Variants in BCL2L13 observed in about 807,000 individuals in gnomAD.
The protein encoded by BCL2L13 is BCL2 like 13, also known as bcl-2-like protein 13.
A neutral mutation model predicts 25.8 loss-of-function variants in BCL2L13; 13 were observed. The ratio of observed to expected loss-of-function variants is 0.50; its 90% CI spans 0.33 to 0.80. BCL2L13 has a LOEUF of 0.80. BCL2L13 is among the 30% of genes least tolerant of loss of function. BCL2L13 has a pLI of 0.02. For synonymous variants in BCL2L13, 244 were observed against 230.3 expected (o/e 1.06, Z -0.54); for missense variants, 504 against 574.9 (o/e 0.88, Z 1.26).
intron 5 of BCL2L13, among the ~76,000 whole-genome samples, chr22:17,696,738 G>A (rs2060275766): frequency 6.6e-6 from 1 of 152,110 alleles, no homozygotes; most frequent in African/African-American, 2.4e-5. Flanking sequence ...AAAGTTAAAT[G>A]ACTTGCCTAG....
rs1568903734 is a variant in BCL2L13 at position 17,631,690 on chromosome 22, ATATATATATATATATATTTTTTTTTTT to A, written c.-650+2687_-650+2713del. Among the ~76,000 whole-genome samples the A allele has an allele frequency of 1.1e-4, 6 of 53,862 alleles. 1 individual carries two copies. The highest frequency in any genetic ancestry group is 1.7e-4 in the Non-Finnish European group (5 of 29,436). 35.3% of individuals were successfully genotyped at this position (53,862 alleles called of 152,430 possible). ...TGTGTGTATATATATATATATATAT[ATATATATATATATATATTTTTTTTTTT>A]TTTTTTTTTTTTTTTTTTTTTGAGA... On this transcript the variant is annotated intron_variant, in intron 1 of 6. Transcript: ENST00000399782.
At chr22:17,716,019 CAAAG>C (rs1313289884) in intron 6 of BCL2L13, among the ~76,000 whole-genome samples, 1 of 152,130 alleles carries the variant, frequency 6.6e-6, no homozygotes, top group Admixed American at 6.5e-5. Flanking sequence ...TGGGGGATAA[CAAAG>C]AAGTTTAAAG....
chr22:17,699,811 T>C lies in BCL2L13; in HGVS notation c.457-2432T>C, dbSNP rs114677904. On this transcript the variant is annotated intron_variant, in intron 5 of 6. Transcript: ENST00000317582. ...GCAGATTATGTAAAATTCTTGTGGATAGTAAAATGTCAAGTTGATGGAGGT... is the reference window on the plus strand; with the variant it reads ...GCAGATTATGTAAAATTCTTGTGGACAGTAAAATGTCAAGTTGATGGAGGT... 5.3e-3 allele frequency among the ~76,000 whole-genome samples: 801 copies of C among 152,206 alleles called. 9 individuals are homozygous for C. The highest frequency in any genetic ancestry group is 0.019 in the African/African-American group (769 of 41,530).
At chr22:17,698,556 TAAAAAAA>T (rs55650486) in intron 5 of BCL2L13, among the ~76,000 whole-genome samples, 2 of 129,958 alleles carry the variant, frequency 1.5e-5, no homozygotes, top group South Asian at 4.8e-4. Context: ...CCCTGTCTCT[TAAAAAAA>T]AAAAAAAAAA....
chr22:17,700,612 C>A (rs987596967), intron 5 of BCL2L13, among the ~76,000 whole-genome samples: 1 of 152,168 alleles, frequency 6.6e-6, no homozygotes, highest in South Asian at 2.1e-4. Context: ...TTACCTGCTT[C>A]TACCCGAGGC....
upstream of BCL2L13, among the ~76,000 whole-genome samples, chr22:17,637,092 G>T (rs893897098): frequency 6.6e-6 from 1 of 151,852 alleles, no homozygotes; most frequent in Non-Finnish European, 1.5e-5. Flanking sequence ...GGCCAACATG[G>T]TGAGACCCCG....
At position 17,689,006 on chromosome 22, in the gene BCL2L13, G is replaced by A; in HGVS notation, c.250G>A (p.Asp84Asn). 6.2e-7 allele frequency: 1 copy of A among 1,613,698 alleles called. No individual in the cohort carries two copies. The highest frequency in any genetic ancestry group is 8.5e-7 in the Non-Finnish European group (1 of 1,179,798). ...ISEAFTSTGF[D>N]RHTSPVFSPA... ...TTCAGCCTTCACCAGCACAGGCTTT[G>A]ACCGTCACACTTCTCCAGTGTTCAG... The change falls in exon 4 of 7, where the codon GAC (aspartate) becomes AAC (asparagine). Residue 84 changes from aspartate (D) to asparagine (N), a missense_variant. Physicochemically the swap from Asp to Asn is conservative, Grantham distance 23. Coordinates refer to ENST00000317582, the MANE Select transcript of BCL2L13 (RefSeq NM_015367.4).
At chr22:17,684,355 G>T (rs1194254547) in intron 3 of BCL2L13, among the ~76,000 whole-genome samples, 2 of 152,046 alleles carry the variant, frequency 1.3e-5, no homozygotes, top group Non-Finnish European at 2.9e-5. Context: ...TGGTTGTAGT[G>T]TATTCACAGA....
Position 17,655,651 on chromosome 22 carries a change from TTTG to T in BCL2L13, c.-50-8_-50-6del. 6.4e-7 allele frequency: 1 copy of T among 1,551,914 alleles called. No homozygotes were observed. On this transcript the variant is annotated splice_polypyrimidine_tract_variant and splice_region_variant and intron_variant, in intron 1 of 6. Transcript: ENST00000317582. ...AACTTTAAACTGAAAAAATTACTTT[TTTG>T]TTCTTAGGTTTTACACATCCATAAG... is the stretch of plus-strand genomic sequence containing the variant.
At chr22:17,712,407 A>G (rs1396297209) in intron 6 of BCL2L13, among the ~76,000 whole-genome samples, 1 of 152,220 alleles carries the variant, frequency 6.6e-6, no homozygotes, top group Non-Finnish European at 1.5e-5. Flanking sequence ...CTCATTTGGA[A>G]ATTTTGAAAG....
At chr22:17,721,169 CAAAA>C (rs113679105) in intron 6 of BCL2L13, among the ~76,000 whole-genome samples, 1 of 143,522 alleles carries the variant, frequency 7.0e-6, no homozygotes, top group East Asian at 2.0e-4. Flanking sequence ...GACTCCGTCT[CAAAA>C]AAAAAAAATA....
chr22:17,635,234 A>C (rs933054498), upstream of BCL2L13, among the ~76,000 whole-genome samples: 22 of 151,528 alleles, frequency 1.5e-4, no homozygotes, highest in African/African-American at 3.4e-4. Context: ...CAAAAAAAAA[A>C]CTAAAAAATT....
At chr22:17,647,867 G>A (rs982693009) in intron 1 of BCL2L13, among the ~76,000 whole-genome samples, 9 of 152,126 alleles carry the variant, frequency 5.9e-5, no homozygotes, top group Non-Finnish European at 1.3e-4. Context: ...AGTGGCTCAC[G>A]CCTGTAATCC....
chr22:17,706,611 C>T, intron 6 of BCL2L13: 6 of 1,113,378 alleles, frequency 5.4e-6, no homozygotes, highest in East Asian at 6.0e-5. Flanking sequence ...GGTTTTTTTC[C>T]CTCTCCTTAA....
At chr22:17,698,685 T>C (rs548144165) in intron 5 of BCL2L13, among the ~76,000 whole-genome samples, 77 of 151,648 alleles carry the variant, frequency 5.1e-4, no homozygotes, top group African/African-American at 1.9e-3. Context: ...GCCGAGATCA[T>C]GCCACTGTAT....
At chr22:17,683,401 A>C (rs2059813530) in intron 3 of BCL2L13, 80 bp downstream of exon 3, 7 of 802,460 alleles carry the variant, frequency 8.7e-6, no homozygotes, top group Admixed American at 2.8e-5. Flanking sequence ...TGATTTTTAC[A>C]GTGGGGTATT....
chr22:17,666,599 CT>C (rs1173268877), intron 2 of BCL2L13, among the ~76,000 whole-genome samples: 1 of 150,702 alleles, frequency 6.6e-6, no homozygotes, highest in African/African-American at 2.4e-5. Context: ...CAATGTTTGT[CT>C]TTCTGTGCCT....
intron 3 of BCL2L13, among the ~76,000 whole-genome samples, chr22:17,684,986 T>C (rs763155780): frequency 1.1e-4 from 17 of 152,088 alleles, no homozygotes; most frequent in East Asian, 5.8e-4. Flanking sequence ...CTGCCCGCCT[T>C]GGCCTCCCAA....
At chr22:17,680,542 G>A (rs3994810) in intron 2 of BCL2L13, among the ~76,000 whole-genome samples, 30,379 of 47,224 alleles carry the variant, frequency 0.64, 8,635 homozygotes, top group East Asian at 0.82. Context: ...AAAAAAAAAA[G>A]AAAAAAAGAC....
Sources: allele counts gnomAD v4.1 joint callset (sites outside exome capture counted in the v4.1 genomes callset), GRCh38; gene constraint gnomAD v4.1.1; transcripts MANE v1.5; gene names NCBI Gene and HGNC (gene_info 2026-07-23, HGNC 2026-07-21).